Variants in GSTA5 observed in about 807,000 individuals in gnomAD.
GSTA5 encodes the protein glutathione S-transferase A5.
GSTA5 carries 25 observed loss-of-function variants against 21.8 expected under a neutral mutation model. That is an observed-to-expected ratio of 1.14 (90% CI 0.83 to 1.60). GSTA5 has a LOEUF of 1.60. GSTA5 is among the 40% of genes most tolerant of loss of function. The pLI, the probability that GSTA5 is intolerant of heterozygous loss-of-function variation, is 0.00. For synonymous variants in GSTA5, 102 were observed against 89.5 expected, an observed-to-expected ratio of 1.14 and a Z score of -0.78; for missense variants, 330 against 259.2, an observed-to-expected ratio of 1.27 and a Z score of -1.88.
chr6:52,836,784 T>A (rs62412887), intron 2 of GSTA5, among the ~76,000 whole-genome samples: 39,518 of 152,270 alleles, frequency 0.26, 6,815 homozygotes, highest in Non-Finnish European at 0.38. Context: ...AGAGCTGGGA[T>A]TACAGGTGTG....
At chr6:52,842,859 G>A (rs187552417), upstream of GSTA5, among the ~76,000 whole-genome samples, 7 of 152,138 alleles carry the variant, frequency 4.6e-5, no homozygotes, top group Admixed American at 2.6e-4. Flanking sequence ...CTTTCAACCC[G>A]TCATCTATAT....
upstream of GSTA5, among the ~76,000 whole-genome samples, chr6:52,843,285 T>A (rs184344212): frequency 6.6e-6 from 1 of 152,338 alleles, no homozygotes; most frequent in East Asian, 1.9e-4. Flanking sequence ...GATTGCTGGG[T>A]CAAATAGTAT....
rs761310069 is a variant in GSTA5 at position 52,834,190 on chromosome 6, G to A, written c.365C>T (p.Ala122Val). The A allele has an allele frequency of 6.2e-6, 10 of 1,614,118 alleles. No individual in the cohort carries two copies. The South Asian group carries it at 8.8e-5, about 14-fold the overall frequency. ...ATTTTTTATTTTCTCTTTGACCAAG[G>A]CAGTCTTGGCATCTCTTTCCTCTGG... The change falls in exon 4 of 6, where the codon GCC (alanine) becomes GTC (valine). Residue 122 changes from alanine to valine, a missense_variant. Physicochemically the swap from Ala to Val is moderately conservative, Grantham distance 64 (BLOSUM62 0). Coordinates refer to ENST00000370989, the Ensembl canonical transcript of GSTA5.
At chr6:52,844,959 A>G (rs187504841), upstream of GSTA5, among the ~76,000 whole-genome samples, 699 of 152,230 alleles carry the variant, frequency 4.6e-3, no homozygotes, top group Non-Finnish European at 7.7e-3. Flanking sequence ...TATTTTATCT[A>G]TCAATCGTTC....
At chr6:52,832,960 C>G (rs770310044) in exon 5 of GSTA5, 1 of 1,614,126 alleles carries the variant, frequency 6.2e-7, no homozygotes. Context: ...TTGTTGCCAA[C>G]AAGGTAGTCT....
At chr6:52,832,062 A>C (rs1764224479) in intron 5 of GSTA5, 92 bp from the exon 6 acceptor site, 1 of 1,521,440 alleles carries the variant, frequency 6.6e-7, no homozygotes, top group Admixed American at 2.3e-5. Context: ...CATGCCAAAG[A>C]CCAAGCGAGT....
At chr6:52,845,617 T>G (rs1473626294), upstream of GSTA5, among the ~76,000 whole-genome samples, 1 of 152,330 alleles carries the variant, frequency 6.6e-6, no homozygotes, top group East Asian at 1.9e-4. Flanking sequence ...TCAAACTAAT[T>G]TATTCTAATT....
chr6:52,841,424 G>A (rs1581818934), upstream of GSTA5, among the ~76,000 whole-genome samples: 3 of 152,318 alleles, frequency 2.0e-5, no homozygotes, highest in Admixed American at 6.5e-5. Flanking sequence ...AGGGAGGACC[G>A]GCAGGGAGCT....
exon 1 of GSTA5, chr6:52,840,787 G>A (rs1764363066): frequency 1.2e-6 from 2 of 1,614,122 alleles, no homozygotes; most frequent in Non-Finnish European, 1.7e-6. Flanking sequence ...GTGCATTGGA[G>A]TAGTGGAGCT....
chr6:52,837,719 T>C (rs1391611046), intron 1 of GSTA5, 110 bp from the exon 2 acceptor site: 1 of 786,770 alleles, frequency 1.3e-6, no homozygotes, highest in African/African-American at 1.7e-5. Context: ...GATTTCTGAG[T>C]TTCGCAGGAT....
At chr6:52,837,247 G>A (rs1307851162) in intron 2 of GSTA5, among the ~76,000 whole-genome samples, 1 of 152,114 alleles carries the variant, frequency 6.6e-6, no homozygotes, top group Non-Finnish European at 1.5e-5. Context: ...GATGGGGAGG[G>A]CTCTATGGGA....
Position 52,832,992 on chromosome 6 carries a change from T to A in GSTA5, c.415-2A>T. 1 of 1,613,940 alleles carries A rather than the reference T, an allele frequency of 6.2e-7. No individual in the cohort carries two copies. Among genetic ancestry groups the A allele is most frequent in the East Asian group, 2.2e-5 (1 of 44,862 alleles). On this transcript the variant is annotated splice_acceptor_variant, in intron 4 of 5. Transcript: ENST00000370989. LOFTEE classifies it high-confidence loss of function. ...GTCTTGTCTGTGGCTCTTTAAGACC[T>A]GGAGAATTGGAGGAATCAGATCAGG...
Position 52,836,136 on chromosome 6 carries a change from G to A in GSTA5, c.272+100C>T, listed in dbSNP as rs1764288580. On this transcript the variant is annotated intron_variant, in intron 3 of 5. Coordinates refer to ENST00000370989, the Ensembl canonical transcript of GSTA5. Reference sequence around the variant, plus strand: ...AGCGTGCATCCTCAAGACCCAGCCTGCTGCTGGTCATGATGCCCTGCCATG... The same window carrying A: ...AGCGTGCATCCTCAAGACCCAGCCTACTGCTGGTCATGATGCCCTGCCATG... The A allele has an allele frequency of 3.0e-6, 4 of 1,322,832 alleles. No homozygotes were observed. In the South Asian group the frequency reaches 5.2e-5, roughly 17 times the overall value. The allele number at this position is 1,322,832 out of a possible 1,614,324, so 81.9% of individuals were successfully genotyped here. A position where few individuals can be genotyped will look rare whatever the true frequency, so the allele number is the denominator to read the frequency against.
chr6:52,831,899 A>T, exon 6 of GSTA5: 1 of 1,613,818 alleles, frequency 6.2e-7, no homozygotes. Context: ...CATCCATGGG[A>T]GGCTTTCTCT....
At position 52,836,216 on chromosome 6, in the gene GSTA5, G is replaced by A. The variant is rs900566357; in HGVS notation, c.272+20C>T. The A allele has an allele frequency of 5.6e-6, 9 of 1,610,998 alleles. No homozygotes were observed. The highest frequency in any genetic ancestry group is 2.2e-5 in the East Asian group (1 of 44,884). On this transcript the variant is annotated intron_variant, in intron 3 of 5. Coordinates refer to ENST00000370989, the Ensembl canonical transcript of GSTA5. Reference sequence around the variant, plus strand: ...CACTCTGTGTTCTCTGTGGATGGAAGAACAGAAAATATACCATACAGGGCT... The same window carrying A: ...CACTCTGTGTTCTCTGTGGATGGAAAAACAGAAAATATACCATACAGGGCT...
chr6:52,843,361 CCCA>C (rs1378137177), upstream of GSTA5, among the ~76,000 whole-genome samples: 4 of 152,166 alleles, frequency 2.6e-5, no homozygotes, highest in Non-Finnish European at 5.9e-5. Context: ...AATTTACACT[CCCA>C]CCAACAGTGT....
chr6:52,836,662 C>G (rs761880719), intron 2 of GSTA5, among the ~76,000 whole-genome samples: 2 of 152,146 alleles, frequency 1.3e-5, no homozygotes, highest in African/African-American at 4.8e-5. Flanking sequence ...CAGGCATGTG[C>G]CAACATACCC....
At chr6:52,835,259 G>T (rs1465953224) in intron 3 of GSTA5, among the ~76,000 whole-genome samples, 4 of 152,168 alleles carry the variant, frequency 2.6e-5, no homozygotes, top group Admixed American at 6.5e-5. Context: ...CATACAAAAA[G>T]AATCCTATAA....
chr6:52,832,726 C>A lies in GSTA5; in HGVS notation c.546+133G>T, dbSNP rs1225963643. On this transcript the variant is annotated intron_variant, in intron 5 of 5. Transcript: ENST00000370989. ...TCTTCAAAATTGGAGCCTGGAAGCT[C>A]ATTTTGGAGACCTTGGGGGCACTGA... The A allele has an allele frequency of 2.1e-6, 3 of 1,434,702 alleles. No individual in the cohort carries two copies. The East Asian group carries it at 6.9e-5, about 33-fold the overall frequency. The allele number at this position is 1,434,702 out of a possible 1,614,324, so 88.9% of individuals were successfully genotyped here.
Sources: allele counts gnomAD v4.1 joint callset (sites outside exome capture counted in the v4.1 genomes callset), GRCh38; gene constraint gnomAD v4.1.1; transcripts MANE v1.5; gene names NCBI Gene and HGNC (gene_info 2026-07-23, HGNC 2026-07-21).